Variants in MASP1 observed in about 807,000 individuals in gnomAD.
The protein encoded by MASP1 is mannan-binding lectin serine protease 1.
In MASP1, 59 loss-of-function variants were observed where a neutral mutation model predicts 77.1. That is an observed-to-expected ratio of 0.77 (90% CI 0.62 to 0.95). The LOEUF is 0.95. Among genes scored for constraint, MASP1 ranks in the 40% least tolerant of loss-of-function variants. MASP1 has a pLI of 0.00. For missense variants in MASP1, 885 were observed against 912.9 expected (o/e 0.97, Z 0.39); for synonymous variants, 362 against 354.5 (o/e 1.02, Z -0.24).
chr3:187,288,659 G>C (rs1188777085), intron 1 of MASP1, among the ~76,000 whole-genome samples: 1 of 152,156 alleles, frequency 6.6e-6, no homozygotes. Flanking sequence ...ATGAGCTTTG[G>C]CTCCTAAACC....
intron 11 of MASP1, among the ~76,000 whole-genome samples, chr3:187,228,008 C>T (rs896714413): frequency 3.3e-5 from 5 of 152,154 alleles, no homozygotes; most frequent in African/African-American, 1.2e-4. Context: ...AATGATAGAT[C>T]AGGGTTGCTG....
downstream of MASP1, chr3:187,233,938 C>A: frequency 2.2e-6 from 1 of 448,356 alleles, no homozygotes; most frequent in East Asian, 7.2e-5. Context: ...CTCATTACCT[C>A]TTGGATAATG....
At chr3:187,237,012 G>A (rs1185268623) in intron 10 of MASP1, among the ~76,000 whole-genome samples, 1 of 152,236 alleles carries the variant, frequency 6.6e-6, no homozygotes, top group Non-Finnish European at 1.5e-5. Context: ...GGGACAGAGA[G>A]ATGGAAGGAA....
intron 1 of MASP1, among the ~76,000 whole-genome samples, chr3:187,288,332 AT>A (rs1339472122): frequency 2.6e-5 from 4 of 152,186 alleles, no homozygotes; most frequent in Non-Finnish European, 5.9e-5. Context: ...CAGGCATCCC[AT>A]TTTCAAGTGA....
At chr3:187,290,190 G>T (rs1159036286) in intron 1 of MASP1, among the ~76,000 whole-genome samples, 2 of 152,170 alleles carry the variant, frequency 1.3e-5, no homozygotes, top group Non-Finnish European at 2.9e-5. Flanking sequence ...AAGAGATGCA[G>T]CTTCAAGGGA....
At chr3:187,220,469 C>A (rs1711982316) in intron 15 of MASP1, among the ~76,000 whole-genome samples, 2 of 149,236 alleles carry the variant, frequency 1.3e-5, no homozygotes, top group Admixed American at 1.3e-4. Context: ...CTCTTTCTTT[C>A]TTTTCTTTTC....
chr3:187,240,490 T>A (rs1290757687), intron 10 of MASP1, among the ~76,000 whole-genome samples: 2 of 152,154 alleles, frequency 1.3e-5, no homozygotes, highest in Admixed American at 6.5e-5. Context: ...TTAAAAAAAA[T>A]GTAAATTACT....
intron 13 of MASP1, among the ~76,000 whole-genome samples, chr3:187,223,543 C>T (rs368985871): frequency 1.4e-4 from 21 of 152,174 alleles, no homozygotes; most frequent in African/African-American, 4.6e-4. Flanking sequence ...AGTAGGTGCT[C>T]AATCAAGAAC....
At chr3:187,242,524 A>AAAAC (rs1373563130) in intron 9 of MASP1, 1 of 152,670 alleles carries the variant, frequency 6.6e-6, no homozygotes, top group Non-Finnish European at 1.5e-5. Context: ...AAACAAAAAC[A>AAAAC]AAAACAAAGA....
intron 5 of MASP1, 156 bp downstream of exon 5, chr3:187,256,508 A>C (rs1715088124): frequency 4.0e-6 from 3 of 743,372 alleles, no homozygotes; most frequent in Non-Finnish European, 7.0e-6. Flanking sequence ...GATCTAACTA[A>C]GATGGTAGAT....
At chr3:187,266,300 A>C (rs1716014066) in intron 2 of MASP1, among the ~76,000 whole-genome samples, 1 of 152,220 alleles carries the variant, frequency 6.6e-6, no homozygotes, top group African/African-American at 2.4e-5. Context: ...GAAGGGTGCC[A>C]AAAATTATTT....
intron 3 of MASP1, among the ~76,000 whole-genome samples, chr3:187,261,544 T>A (rs1488550292): frequency 6.6e-6 from 1 of 152,056 alleles, no homozygotes; most frequent in Non-Finnish European, 1.5e-5. Flanking sequence ...CTCACCAGAG[T>A]GATTAAAATT....
At chr3:187,226,539 G>A (rs566252502) in intron 11 of MASP1, 36 of 1,549,978 alleles carry the variant, frequency 2.3e-5, no homozygotes, top group African/African-American at 1.5e-4. Context: ...CAGAACACAC[G>A]TCTCATCGTC....
At chr3:187,285,778 A>G (rs774941940) in intron 2 of MASP1, 47 bp downstream of exon 2, 1 of 1,466,152 alleles carries the variant, frequency 6.8e-7, no homozygotes, top group Admixed American at 1.7e-5. Flanking sequence ...CCTTGTCTAA[A>G]TCCCAGAAGA....
chr3:187,278,636 G>A (rs1717158163), intron 2 of MASP1, among the ~76,000 whole-genome samples: 1 of 152,156 alleles, frequency 6.6e-6, no homozygotes, highest in Non-Finnish European at 1.5e-5. Context: ...TCACGTTCCT[G>A]ATCTCAATTT....
chr3:187,285,844 C>T lies in MASP1; in HGVS notation c.218G>A (p.Cys73Tyr). The change falls in exon 2 of 11, where the codon TGT (cysteine) becomes TAT (tyrosine). Residue 73 changes from cysteine to tyrosine, a missense_variant. Transcript: ENST00000296280. ...MHFNLESSYL[C>Y]EYDYVKVETE... is the part of the protein sequence containing the mutation. ...TCTCACCTTCACATAGTCATATTCA[C>T]AAAGGTAGGAGGATTCCAAGTTGAA... The T allele has an allele frequency of 6.2e-7, 1 of 1,614,002 alleles. No homozygotes were observed. The highest frequency in any genetic ancestry group is 8.5e-7 in the Non-Finnish European group (1 of 1,179,888).
intron 14 of MASP1, chr3:187,221,180 C>G (rs1463455518): frequency 7.0e-7 from 1 of 1,418,598 alleles, no homozygotes. Context: ...GCTGAGAAGC[C>G]TCTGCTATTC....
chr3:187,266,493 A>T (rs566101780), intron 2 of MASP1, among the ~76,000 whole-genome samples: 2 of 152,342 alleles, frequency 1.3e-5, no homozygotes, highest in African/African-American at 4.8e-5. Context: ...GCTGAGGGAA[A>T]TCAGAAAACA....
rs73068975 is a variant in MASP1, at chr3:187,259,852, G to T, written c.547+889C>A. ...ACTCAGCTTCCAAGTGAGATTTCAAGCACAGATGCTTATCCTGGACCACAC... is the reference window on the plus strand; with the variant it reads ...ACTCAGCTTCCAAGTGAGATTTCAATCACAGATGCTTATCCTGGACCACAC... On this transcript the variant is annotated intron_variant, in intron 4 of 10. Transcript: ENST00000296280. 2.8e-3 allele frequency among the ~76,000 whole-genome samples: 423 copies of T among 152,276 alleles called. 4 individuals carry two copies. Among genetic ancestry groups the T allele is most frequent in the African/African-American group, 9.7e-3 (403 of 41,552 alleles).
Sources: gnomAD v4.1 joint callset for allele counts (sites outside exome capture counted in the v4.1 genomes callset) on GRCh38, gnomAD v4.1.1 for gene constraint, MANE v1.5 for transcripts, NCBI Gene and HGNC (gene_info 2026-07-23, HGNC 2026-07-21) for gene names.